The following SMYD3 variants were observed in gnomAD, a reference collection of about 807,000 sequenced individuals.
The protein encoded by SMYD3 is histone-lysine N-methyltransferase SMYD3.
In SMYD3, 36 loss-of-function variants were observed where a neutral mutation model predicts 57.7. The ratio of observed to expected loss-of-function variants is 0.62; its 90% confidence interval spans 0.48 to 0.82. The LOEUF (loss-of-function observed/expected upper bound fraction) is 0.82. Ranked by LOEUF, SMYD3 falls within the 40% of genes least tolerant of loss-of-function variation. SMYD3 has a pLI of 0.00. For missense variants in SMYD3, 515 were observed against 538.8 expected (o/e 0.96, Z 0.44); for synonymous variants, 211 against 195.0 (o/e 1.08, Z -0.68).
At chr1:245,893,902 C>T (rs1890823) in intron 8 of SMYD3, among the ~76,000 whole-genome samples, 151,991 of 152,368 alleles carry the variant, frequency 1, 75,810 homozygotes, top group Middle Eastern at 1. Context: ...ACTCTTATCA[C>T]TATAGAAACA....
intron 5 of SMYD3, among the ~76,000 whole-genome samples, chr1:245,988,759 G>C (rs967304125): frequency 6.6e-6 from 1 of 152,220 alleles, no homozygotes; most frequent in Non-Finnish European, 1.5e-5. Flanking sequence ...GGCAGAGAAC[G>C]GTTTGGGAGG....
chr1:246,122,817 T>C (rs1318498859), intron 5 of SMYD3, among the ~76,000 whole-genome samples: 1 of 152,170 alleles, frequency 6.6e-6, no homozygotes, highest in Non-Finnish European at 1.5e-5. Flanking sequence ...CCGGGACTAA[T>C]TTCACATCTG....
chr1:246,040,103 T>C (rs1186621219), intron 5 of SMYD3, among the ~76,000 whole-genome samples: 3 of 152,210 alleles, frequency 2.0e-5, no homozygotes, highest in African/African-American at 7.2e-5. Context: ...CAAGATCCTA[T>C]CATGAAACAG....
chr1:246,178,784 T>C (rs1022154203), intron 5 of SMYD3: 21 of 152,028 alleles, frequency 1.4e-4, no homozygotes, highest in African/African-American at 4.6e-4. Flanking sequence ...AGCCATGTTC[T>C]ACGCTAGCCA....
chr1:246,133,720 A>G (rs2061622984), intron 5 of SMYD3, among the ~76,000 whole-genome samples: 1 of 152,102 alleles, frequency 6.6e-6, no homozygotes, highest in South Asian at 2.1e-4. Flanking sequence ...TTATAAGAAG[A>G]AGGAGAAAGA....
chr1:246,232,906 T>TG, intron 5 of SMYD3, among the ~76,000 whole-genome samples: 1 of 121,886 alleles, frequency 8.2e-6, no homozygotes. Flanking sequence ...GGAGAAGCAC[T>TG]CCTCAATTCA....
chr1:246,232,293 G>T (rs1279779935), intron 5 of SMYD3, among the ~76,000 whole-genome samples: 3 of 152,144 alleles, frequency 2.0e-5, no homozygotes, highest in African/African-American at 7.2e-5. Context: ...TAACCACGGA[G>T]AATTCTCAAC....
intron 10 of SMYD3, among the ~76,000 whole-genome samples, chr1:245,804,200 C>T (rs761320164): frequency 2.6e-5 from 4 of 152,190 alleles, no homozygotes; most frequent in Non-Finnish European, 4.4e-5. Context: ...CGTGAGGCAC[C>T]GCGCCCAGCT....
chr1:246,053,905 T>TA (rs1438448162), intron 5 of SMYD3, among the ~76,000 whole-genome samples: 4 of 152,038 alleles, frequency 2.6e-5, no homozygotes, highest in African/African-American at 9.7e-5. Context: ...ACACAAACTA[T>TA]AAAAGTAAAA....
At chr1:246,501,757 G>A (rs2068459755) in intron 1 of SMYD3, among the ~76,000 whole-genome samples, 1 of 152,156 alleles carries the variant, frequency 6.6e-6, no homozygotes, top group African/African-American at 2.4e-5. Context: ...GGGAGAGAAA[G>A]GAAACATGAC....
intron 11 of SMYD3, 39 bp from the exon 12 acceptor site, chr1:245,749,703 T>C (rs771492709): frequency 1.9e-6 from 3 of 1,543,594 alleles, no homozygotes; most frequent in Admixed American, 1.7e-5. Context: ...GACCCCAAAA[T>C]AGGTGAGCTC....
intron 5 of SMYD3, among the ~76,000 whole-genome samples, chr1:246,068,814 A>G (rs757594447): frequency 1.3e-5 from 2 of 152,242 alleles, no homozygotes; most frequent in Non-Finnish European, 2.9e-5. Flanking sequence ...TTCCGCAGGC[A>G]TAACAGCCAT....
chr1:246,341,438 A>T (rs1015322795), intron 2 of SMYD3, among the ~76,000 whole-genome samples: 1 of 152,170 alleles, frequency 6.6e-6, no homozygotes, highest in African/African-American at 2.4e-5. Context: ...TTTTTCTTAA[A>T]TGAGTATAGT....
At chr1:246,020,465 A>C (rs1572900378) in intron 5 of SMYD3, among the ~76,000 whole-genome samples, 1 of 152,198 alleles carries the variant, frequency 6.6e-6, no homozygotes, top group African/African-American at 2.4e-5. Flanking sequence ...TCCAACAAAC[A>C]CTAAACCTAA....
At chr1:246,495,176 C>T (rs2068338890) in intron 1 of SMYD3, among the ~76,000 whole-genome samples, 3 of 151,852 alleles carry the variant, frequency 2.0e-5, no homozygotes, top group South Asian at 4.2e-4. Flanking sequence ...GGTGAAACCC[C>T]ATCTCTACTA....
intron 5 of SMYD3, among the ~76,000 whole-genome samples, chr1:245,961,622 T>TC (rs1414607753): frequency 6.6e-6 from 1 of 152,124 alleles, no homozygotes; most frequent in East Asian, 1.9e-4. Context: ...ATAATTCCAT[T>TC]TTTTTTCCCC....
chr1:246,085,525 G>C (rs2060707612), intron 5 of SMYD3, among the ~76,000 whole-genome samples: 1 of 152,118 alleles, frequency 6.6e-6, no homozygotes, highest in Non-Finnish European at 1.5e-5. Context: ...ATACCCAGAA[G>C]AAAGGGGCAT....
intron 10 of SMYD3, among the ~76,000 whole-genome samples, chr1:245,809,748 C>A (rs2048361424): frequency 6.6e-6 from 1 of 152,246 alleles, no homozygotes; most frequent in Non-Finnish European, 1.5e-5. Flanking sequence ...CAGGCCAGCA[C>A]AGAGGAGCTT....
At chr1:245,895,660 A>G (rs2053727500) in intron 8 of SMYD3, among the ~76,000 whole-genome samples, 1 of 152,184 alleles carries the variant, frequency 6.6e-6, no homozygotes, top group Non-Finnish European at 1.5e-5. Context: ...TCAGACAATC[A>G]TTGTTTCTTC....
Sources: allele counts gnomAD v4.1 joint callset (sites outside exome capture counted in the v4.1 genomes callset), GRCh38; gene constraint gnomAD v4.1.1; transcripts MANE v1.5; gene names NCBI Gene and HGNC (gene_info 2026-07-23, HGNC 2026-07-21).